The following VPS13B variants were observed in gnomAD, a reference collection of about 807,000 sequenced individuals.
VPS13B encodes the protein intermembrane lipid transfer protein VPS13B.
VPS13B carries 285 observed loss-of-function variants against 426.4 expected under a neutral mutation model. The ratio of observed to expected loss-of-function variants is 0.67; its 90% confidence interval spans 0.61 to 0.74. VPS13B has a LOEUF of 0.74. VPS13B is among the 30% of genes least tolerant of loss of function. The pLI is 0.00. For missense variants in VPS13B, 4,537 were observed against 4,782.6 expected, an observed-to-expected ratio of 0.95 and a Z score of 1.51; for synonymous variants, 1,676 against 1,676.4, an observed-to-expected ratio of 1.00 and a Z score of 0.01.
chr8:99,388,791 C>T (rs568286240), intron 20 of VPS13B, among the ~76,000 whole-genome samples: 21 of 152,290 alleles, frequency 1.4e-4, no homozygotes, highest in African/African-American at 5.1e-4. Context: ...ATACAAGAGC[C>T]TTACTCTTGT....
Position 99,520,901 on chromosome 8 carries a change from A to T in VPS13B, c.4636A>T (p.Asn1546Tyr), listed in dbSNP as rs758248417. 1 of 1,613,394 alleles carries T rather than the reference A, an allele frequency of 6.2e-7. No individual in the cohort carries two copies. Among genetic ancestry groups the T allele is most frequent in the Admixed American group, 1.7e-5 (1 of 60,016 alleles). The part of the protein sequence containing the change: ...TEEMQPTVEA[N>Y]QAAKEDTVVL... Reference sequence around the variant, plus strand: ...TGAATCTCCTTCTTTTGTTACAGCTAATCAGGCAGCAAAAGAAGACACTGT... The same window carrying T: ...TGAATCTCCTTCTTTTGTTACAGCTTATCAGGCAGCAAAAGAAGACACTGT... Residue 1546 changes from asparagine to tyrosine, a missense_variant and splice_region_variant, in exon 30 of 62, where the codon AAT (asparagine) becomes TAT (tyrosine). By Grantham distance (143) the Asn-to-Tyr change is moderately radical. Coordinates refer to ENST00000357162, the MANE Select transcript of VPS13B (RefSeq NM_152564.5).
chr8:99,267,016 C>T (rs770190737), intron 17 of VPS13B, among the ~76,000 whole-genome samples: 15 of 152,046 alleles, frequency 9.9e-5, no homozygotes, highest in Non-Finnish European at 1.8e-4. Flanking sequence ...GGGTAACAGA[C>T]AGAGATTGGA....
chr8:99,854,261 G>T lies in VPS13B; in HGVS notation c.10867+5G>T. 1 of 1,612,900 alleles carries T rather than the reference G, an allele frequency of 6.2e-7. No individual in the cohort carries two copies. The highest frequency in any genetic ancestry group is 8.5e-7 in the Non-Finnish European group (1 of 1,179,742). Reference sequence around the variant, plus strand: ...CTGGGGCCCTTTTTAGAGCAGGTAAGAACACAAGCTGAGGGTCTGTGATGA... The same window carrying T: ...CTGGGGCCCTTTTTAGAGCAGGTAATAACACAAGCTGAGGGTCTGTGATGA... On this transcript the variant is annotated splice_donor_5th_base_variant and intron_variant, in intron 56 of 61. Transcript: ENST00000357162.
chr8:99,559,096 G>A (rs1241329568), intron 31 of VPS13B, among the ~76,000 whole-genome samples: 2 of 152,130 alleles, frequency 1.3e-5, no homozygotes, highest in Non-Finnish European at 2.9e-5. Flanking sequence ...TTTAATGATT[G>A]CCATTCTAAC....
chr8:99,672,226 A>G (rs910123424), intron 35 of VPS13B, among the ~76,000 whole-genome samples: 2 of 152,182 alleles, frequency 1.3e-5, no homozygotes. Context: ...CATCAATAGC[A>G]TGAGTAGGAT....
At position 99,139,298 on chromosome 8, in the gene VPS13B, C is replaced by T. The variant is rs548474762; in HGVS notation, c.1651+2546C>T. ...CCACTGTCTTGCTTTTGGTTTATCC[C>T]CATTTTACAGATGAGGAAACAGCAA... On this transcript the variant is annotated intron_variant, in intron 12 of 61. Transcript: ENST00000357162. Among the ~76,000 whole-genome samples, 11 of 152,146 alleles carry T rather than the reference C, an allele frequency of 7.2e-5. No individual in the cohort carries two copies. In the East Asian group the frequency reaches 1.7e-3, roughly 24 times the overall value.
intron 3 of VPS13B, among the ~76,000 whole-genome samples, chr8:99,083,644 T>A (rs1336549154): frequency 7.3e-6 from 1 of 136,654 alleles, no homozygotes; most frequent in Non-Finnish European, 1.5e-5. Flanking sequence ...GATACATAAT[T>A]TATTGAGAGT....
intron 36 of VPS13B, among the ~76,000 whole-genome samples, chr8:99,714,513 C>T (rs1563877907): frequency 6.6e-6 from 1 of 152,084 alleles, no homozygotes; most frequent in Non-Finnish European, 1.5e-5. Context: ...GCATAATCTC[C>T]AAGTGTCTCC....
Position 99,394,033 on chromosome 8 carries a change from G to A in VPS13B, c.3082+2329G>A, listed in dbSNP as rs1370326676. ...GGTATTCATAGTCTTTTGCACATCT[G>A]CCTACCTTTTTTGGTTGTTGGTTTT... On this transcript the variant is annotated intron_variant, in intron 21 of 61. Transcript: ENST00000357162. 2.0e-5 allele frequency among the ~76,000 whole-genome samples: 3 copies of A among 151,844 alleles called. No homozygotes were observed. The East Asian group carries it at 5.8e-4, about 29-fold the overall frequency.
At chr8:99,257,925 A>G (rs1817840776) in intron 17 of VPS13B, among the ~76,000 whole-genome samples, 5 of 151,832 alleles carry the variant, frequency 3.3e-5, no homozygotes. Context: ...TATTTGTACC[A>G]GTGGTTATTA....
intron 3 of VPS13B, among the ~76,000 whole-genome samples, chr8:99,087,654 C>A (rs1382572446): frequency 2.0e-5 from 3 of 150,682 alleles, no homozygotes; most frequent in Non-Finnish European, 4.4e-5. Context: ...GTTTATGTAG[C>A]CCAGCCTGGC....
chr8:99,460,231 T>G (rs1818752053), intron 23 of VPS13B, among the ~76,000 whole-genome samples: 1 of 152,126 alleles, frequency 6.6e-6, no homozygotes, highest in Admixed American at 6.6e-5. Flanking sequence ...CCATTTAATT[T>G]TCTCTATTCA....
intron 25 of VPS13B, 151 bp from the exon 26 acceptor site, chr8:99,501,536 A>G: frequency 5.4e-6 from 4 of 736,936 alleles, no homozygotes; most frequent in Non-Finnish European, 8.8e-6. Flanking sequence ...CATTAGCATT[A>G]TGTATTGGTA....
chr8:99,203,909 A>G (rs1447208617), intron 17 of VPS13B, among the ~76,000 whole-genome samples: 1 of 152,234 alleles, frequency 6.6e-6, no homozygotes, highest in African/African-American at 2.4e-5. Flanking sequence ...AGGAAGAATC[A>G]ATATCGTGAA....
intron 23 of VPS13B, among the ~76,000 whole-genome samples, chr8:99,450,522 A>G (rs533357041): frequency 3.9e-4 from 59 of 152,170 alleles, no homozygotes; most frequent in Non-Finnish European, 6.0e-4. Context: ...AGACCATCCT[A>G]GCCAACGTGG....
At chr8:99,335,226 C>A (rs933309897) in intron 19 of VPS13B, among the ~76,000 whole-genome samples, 1 of 151,836 alleles carries the variant, frequency 6.6e-6, no homozygotes, top group African/African-American at 2.4e-5. Context: ...TATTTTATTG[C>A]GTCTATTTGA....
At chr8:99,115,021 T>C (rs1847580178) in intron 6 of VPS13B, among the ~76,000 whole-genome samples, 1 of 152,186 alleles carries the variant, frequency 6.6e-6, no homozygotes, top group Non-Finnish European at 1.5e-5. Context: ...TATAATGGTT[T>C]CATTTTATCA....
intron 30 of VPS13B, among the ~76,000 whole-genome samples, chr8:99,526,520 G>C (rs902505958): frequency 3.9e-5 from 6 of 152,118 alleles, no homozygotes; most frequent in Non-Finnish European, 5.9e-5. Context: ...GGAGATGTTT[G>C]AGAGGTAGAG....
Position 99,778,947 on chromosome 8 carries a change from C to T in VPS13B, c.7695C>T (p.Cys2565=), listed in dbSNP as rs114038492. ...ATGTAGTGGAAAAGCTGCTTGACTGCACCGTGATAGTTGATTCTGTATTTG... is the reference window on the plus strand; with the variant it reads ...ATGTAGTGGAAAAGCTGCTTGACTGTACCGTGATAGTTGATTCTGTATTTG... The part of the protein sequence containing the change: ...SSDVVEKLLD[C]TVIVDSVFVN... The change falls in exon 42 of 62, where the codon TGC becomes TGT. Residue 2565 remains cysteine (C), a synonymous_variant. Transcript: ENST00000357162. 227 of 1,613,954 alleles carry T rather than the reference C, an allele frequency of 1.4e-4. 1 individual carries two copies. The African/African-American group carries it at 2.9e-3, about 20-fold the overall frequency.
Sources: gnomAD v4.1 joint callset for allele counts (sites outside exome capture counted in the v4.1 genomes callset) on GRCh38, gnomAD v4.1.1 for gene constraint, MANE v1.5 for transcripts, NCBI Gene and HGNC (gene_info 2026-07-23, HGNC 2026-07-21) for gene names.